Variants in SLC44A1 observed in about 807,000 individuals in gnomAD.
The protein encoded by SLC44A1 is solute carrier family 44 member 1.
SLC44A1 carries 26 observed loss-of-function variants against 79.3 expected under a neutral mutation model. The observed-to-expected ratio is 0.33, with a 90% CI of 0.24 to 0.46. The LOEUF is 0.46. Ranked by LOEUF, SLC44A1 falls within the 20% of genes least tolerant of loss-of-function variation. The pLI is 1.00. For missense variants in SLC44A1, 688 were observed against 798.1 expected (o/e 0.86, Z 1.66); for synonymous variants, 263 against 286.2 (o/e 0.92, Z 0.82).
At chr9:105,358,778 T>C (rs142884543) in intron 7 of SLC44A1, among the ~76,000 whole-genome samples, 17 of 152,330 alleles carry the variant, frequency 1.1e-4, no homozygotes, top group Middle Eastern at 3.4e-3. Context: ...TCTGTCTTTC[T>C]TGAAATTCAT....
chr9:105,364,422 T>A (rs1449652750), intron 9 of SLC44A1, 133 bp from the exon 10 acceptor site: 2 of 627,874 alleles, frequency 3.2e-6, no homozygotes, highest in Non-Finnish European at 5.4e-6. Context: ...GTTATTTTTG[T>A]CCCTTTATGA....
chr9:105,314,705 A>T (rs904978099), intron 3 of SLC44A1, among the ~76,000 whole-genome samples: 1 of 152,220 alleles, frequency 6.6e-6, no homozygotes, highest in Non-Finnish European at 1.5e-5. Context: ...AGGTCTGCGG[A>T]GGATGATAGC....
chr9:105,385,785 G>A (rs1828612706), intron 15 of SLC44A1: 1 of 985,260 alleles, frequency 1.0e-6, no homozygotes, highest in African/African-American at 1.7e-5. Flanking sequence ...AGGTAAAACT[G>A]CTGTTGCTCT....
intron 15 of SLC44A1, among the ~76,000 whole-genome samples, chr9:105,423,091 G>A (rs1480278347): frequency 6.6e-6 from 1 of 152,208 alleles, no homozygotes; most frequent in Admixed American, 6.5e-5. Flanking sequence ...CTACTCTTAT[G>A]TTAACAGTGT....
chr9:105,386,251 A>G, intron 15 of SLC44A1: 1 of 978,742 alleles, frequency 1.0e-6, no homozygotes, highest in Non-Finnish European at 1.2e-6. Flanking sequence ...TCACATGGAT[A>G]TTGTCACTAT....
chr9:105,298,353 G>GT (rs1830784869), intron 1 of SLC44A1, among the ~76,000 whole-genome samples: 1 of 151,268 alleles, frequency 6.6e-6, no homozygotes, highest in Admixed American at 6.6e-5. Context: ...TGTTGTTGTT[G>GT]TTGTTTGTTT....
At position 105,322,998 on chromosome 9, in the gene SLC44A1, G is replaced by A. The variant is rs534005382; in HGVS notation, c.270-12565G>A. ...AGCACTTTGGGAGGTCAAGGCGGGC[G>A]GGTTACTTGAGGTCAGGAGTTTGAG... is the stretch of plus-strand genomic sequence containing the variant. On this transcript the variant is annotated intron_variant, in intron 3 of 15. Coordinates refer to ENST00000374720, the MANE Select transcript of SLC44A1 (RefSeq NM_080546.5). 4.6e-5 allele frequency among the ~76,000 whole-genome samples: 7 copies of A among 151,280 alleles called. No homozygotes were observed. In the East Asian group the frequency reaches 7.8e-4, roughly 17 times the overall value.
At position 105,395,103 on chromosome 9, in the gene SLC44A1, T is replaced by C. The variant is rs938911292; in HGVS notation, c.*6047T>C. On this transcript the variant is annotated 3_prime_UTR_variant, in exon 16 of 16. Transcript: ENST00000374720. ...TGACTTATAGTCAGGCATCAAACCA[T>C]TTCCTACTTTTTCAGGCTGAAGAAA... 1 of 985,494 alleles carries C rather than the reference T, an allele frequency of 1.0e-6. No individual in the cohort carries two copies. Among genetic ancestry groups the C allele is most frequent in the Non-Finnish European group, 1.2e-6 (1 of 829,954 alleles). The allele number at this position is 985,494 out of a possible 1,614,324, so 61.0% of individuals were successfully genotyped here. A position where few individuals can be genotyped will look rare whatever the true frequency, so the allele number is the denominator to read the frequency against.
intron 4 of SLC44A1, among the ~76,000 whole-genome samples, chr9:105,345,416 A>G (rs1827218794): frequency 6.6e-6 from 1 of 152,178 alleles, no homozygotes; most frequent in African/African-American, 2.4e-5. Context: ...GTTCTTTTTG[A>G]GGTATCTGTA....
At chr9:105,305,843 CTTTTTTTTTT>C (rs748755778) in intron 2 of SLC44A1, among the ~76,000 whole-genome samples, 1,555 of 84,972 alleles carry the variant, frequency 0.018, 20 homozygotes, top group Non-Finnish European at 0.025. Flanking sequence ...AAAGTGTGTC[CTTTTTTTTTT>C]TTTTTTTTTT....
intron 15 of SLC44A1, among the ~76,000 whole-genome samples, chr9:105,415,705 A>C (rs1368542830): frequency 2.0e-5 from 3 of 152,246 alleles, no homozygotes; most frequent in Admixed American, 2.0e-4. Context: ...TTAACATACC[A>C]AAAGCCCCAG....
rs1028079580 is a variant in SLC44A1, at chr9:105,385,729, G to T, written c.1950+227G>T. The stretch of plus-strand genomic sequence containing the variant: ...GTAAGCTGAAAGGAACAGCATCCTC[G>T]TCAGTGCTCGGCAGGGGCGGGTAGG... On this transcript the variant is annotated intron_variant, in intron 15 of 15. Transcript: ENST00000374720. The T allele has an allele frequency of 2.2e-5, 22 of 985,272 alleles. No homozygotes were observed. In the Admixed American group the frequency reaches 1.2e-3, roughly 55 times the overall value. The allele number at this position is 985,272 out of a possible 1,614,324, so 61.0% of individuals were successfully genotyped here. A position where few individuals can be genotyped will look rare whatever the true frequency, so the allele number is the denominator to read the frequency against.
chr9:105,431,414 T>G (rs1049535708), intron 15 of SLC44A1, among the ~76,000 whole-genome samples: 3 of 152,242 alleles, frequency 2.0e-5, no homozygotes, highest in Non-Finnish European at 2.9e-5. Flanking sequence ...ATTTCTAGAT[T>G]TGCAATTCTA....
At chr9:105,292,065 C>G (rs1830613705) in intron 1 of SLC44A1, among the ~76,000 whole-genome samples, 1 of 152,116 alleles carries the variant, frequency 6.6e-6, no homozygotes, top group Admixed American at 6.6e-5. Context: ...CAGGCTTAAC[C>G]CTGCCCATAT....
intron 1 of SLC44A1, among the ~76,000 whole-genome samples, chr9:105,252,478 T>A (rs1231575113): frequency 6.6e-6 from 1 of 152,238 alleles, no homozygotes; most frequent in East Asian, 1.9e-4. Context: ...TTTGGAAGAC[T>A]CTTAACAGCA....
intron 1 of SLC44A1, among the ~76,000 whole-genome samples, chr9:105,249,405 G>A (rs1829528036): frequency 3.3e-5 from 5 of 152,148 alleles, no homozygotes. Flanking sequence ...AGAAGTCATG[G>A]CATGAAGCCT....
intron 1 of SLC44A1, among the ~76,000 whole-genome samples, chr9:105,276,081 C>T (rs901858712): frequency 3.9e-5 from 6 of 152,122 alleles, no homozygotes; most frequent in African/African-American, 1.4e-4. Flanking sequence ...GCTGGGATTA[C>T]AGGTGTGAGC....
At chr9:105,360,404 C>G (rs576617644) in intron 7 of SLC44A1, among the ~76,000 whole-genome samples, 19 of 151,876 alleles carry the variant, frequency 1.3e-4, no homozygotes, top group Non-Finnish European at 2.5e-4. Context: ...TTTTTTGTTT[C>G]CCTATTATTA....
chr9:105,432,070 C>T (rs549422946), intron 15 of SLC44A1, among the ~76,000 whole-genome samples: 1 of 152,288 alleles, frequency 6.6e-6, no homozygotes, highest in South Asian at 2.1e-4. Flanking sequence ...TACAGGCATG[C>T]GCCAGCACTC....
Sources: allele counts gnomAD v4.1 joint callset (sites outside exome capture counted in the v4.1 genomes callset), GRCh38; gene constraint gnomAD v4.1.1; transcripts MANE v1.5; gene names NCBI Gene and HGNC (gene_info 2026-07-23, HGNC 2026-07-21).